The following SPTB variants were observed in gnomAD, a reference collection of about 807,000 sequenced individuals.
The protein encoded by SPTB is spectrin beta chain, erythrocytic.
Under a neutral mutation model 256.2 loss-of-function variants are expected in SPTB, and 45 were observed. That is an observed-to-expected ratio of 0.18 (90% CI 0.14 to 0.23). The LOEUF (loss-of-function observed/expected upper bound fraction) is 0.23. Among genes scored for constraint, SPTB ranks in the 10% least tolerant of loss-of-function variants. The pLI is 1.00. For missense variants in SPTB, 2,715 were observed against 3,040.4 expected (o/e 0.89, Z 2.52); for synonymous variants, 1,231 against 1,243.1 (o/e 0.99, Z 0.21).
Position 64,796,058 on chromosome 14 carries a change from T to G in SPTB, c.1342-419A>C, listed in dbSNP as rs563948304. On this transcript the variant is annotated intron_variant, in intron 11 of 35. Transcript: ENST00000644917. This position sits in a 1 kb window ranked among gnomAD's most constrained non-coding sequence, Gnocchi z 4.1. ...TCTGGGGTGCGCATACACTCTCCAG[T>G]GCTCTCAGAATACTTGTTGCCCCCT... is the stretch of plus-strand genomic sequence containing the variant. Among the ~76,000 whole-genome samples the G allele has an allele frequency of 2.6e-4, 39 of 152,328 alleles. No individual in the cohort carries two copies. The highest frequency in any genetic ancestry group is 4.1e-4 in the South Asian group (2 of 4,826).
rs2083815329 is a variant in SPTB, at chr14:64,853,299, T to C, written c.-52+26493A>G. Among the ~76,000 whole-genome samples, 2 of 152,086 alleles carry C rather than the reference T, an allele frequency of 1.3e-5. No individual in the cohort carries two copies. Among genetic ancestry groups the C allele is most frequent in the Non-Finnish European group, 1.5e-5 (1 of 68,010 alleles). Reference sequence around the variant, plus strand: ...GGAACACCAAAAGGGGCCAAGATTGTCCCCAAAGAGGGTTTAGGCTGCCCA... The same window carrying C: ...GGAACACCAAAAGGGGCCAAGATTGCCCCCAAAGAGGGTTTAGGCTGCCCA... On this transcript the variant is annotated intron_variant, in intron 1 of 35. Transcript: ENST00000644917. This position sits in a 1 kb window ranked among gnomAD's most constrained non-coding sequence, Gnocchi z 4.3.
chr14:64,771,219 G>A, intron 26 of SPTB, 90 bp from the exon 27 acceptor site: 2 of 1,592,032 alleles, frequency 1.3e-6, no homozygotes, highest in East Asian at 2.2e-5. Context: ...ACCTCCTCCT[G>A]GCCTCCCTGC....
intron 1 of SPTB, among the ~76,000 whole-genome samples, chr14:64,836,521 C>T (rs918450027): frequency 1.4e-4 from 21 of 152,006 alleles, no homozygotes; most frequent in Non-Finnish European, 1.0e-4. Context: ...AAAAAGGGTA[C>T]GGTCGGTGGG....
At chr14:64,837,026 C>T (rs1183365104) in intron 1 of SPTB, among the ~76,000 whole-genome samples, 1 of 152,202 alleles carries the variant, frequency 6.6e-6, no homozygotes, top group Non-Finnish European at 1.5e-5. Flanking sequence ...TCTATTGCAG[C>T]TACAGAGATA....
chr14:64,768,064 G>A (rs556249381), intron 29 of SPTB: 44 of 634,248 alleles, frequency 6.9e-5, no homozygotes, highest in Middle Eastern at 8.5e-4. Context: ...TTTTTAGAGG[G>A]AGGGCTTCAA....
At position 64,772,483 on chromosome 14, in the gene SPTB, C is replaced by G; in HGVS notation, c.5553+97G>C. On this transcript the variant is annotated intron_variant, in intron 26 of 35. Coordinates refer to ENST00000644917, the MANE Select transcript of SPTB (RefSeq NM_001355436.2). This position sits in a 1 kb window ranked among gnomAD's most constrained non-coding sequence, Gnocchi z 5.4. Reference sequence around the variant, plus strand: ...TCTAAGGAGGCAAAACCTCCTGGCACTTATCCTAGAGGTTTTCCTGCTGAC... The same window carrying G: ...TCTAAGGAGGCAAAACCTCCTGGCAGTTATCCTAGAGGTTTTCCTGCTGAC... 2 of 1,523,594 alleles carry G rather than the reference C, an allele frequency of 1.3e-6. No individual in the cohort carries two copies. The highest frequency in any genetic ancestry group is 1.8e-6 in the Non-Finnish European group (2 of 1,135,504). The allele number at this position is 1,523,594 out of a possible 1,614,324, so 94.4% of individuals were successfully genotyped here.
In SPTB at chr14:64,800,911, C is replaced by A; in HGVS notation, c.764-43G>T. Reference sequence around the variant, plus strand: ...GTACTCTCAGGACCAAACTGGAAGTCGGGAAAGTCAGGCTCAGAGGGTTTA... The same window carrying A: ...GTACTCTCAGGACCAAACTGGAAGTAGGGAAAGTCAGGCTCAGAGGGTTTA... On this transcript the variant is annotated intron_variant, in intron 7 of 35. Coordinates refer to ENST00000644917, the MANE Select transcript of SPTB (RefSeq NM_001355436.2). The A allele has an allele frequency of 2.0e-6, 3 of 1,524,456 alleles. No homozygotes were observed. The South Asian group carries it at 3.5e-5, about 18-fold the overall frequency. The allele number at this position is 1,524,456 out of a possible 1,614,324, so 94.4% of individuals were successfully genotyped here.
chr14:64,770,954 C>G lies in SPTB; in HGVS notation c.5729G>C (p.Ser1910Thr), dbSNP rs756115510. The change falls in exon 27 of 36, where the codon AGC becomes ACC. Residue 1910 changes from serine to threonine, a missense_variant. Ser to Thr is a moderately conservative substitution (Grantham distance 58, BLOSUM62 1). This residue lies in a region of SPTB where 2,239 missense variants were observed against 2,384.4 expected (regional missense o/e 0.94). Coordinates refer to ENST00000644917, the MANE Select transcript of SPTB (RefSeq NM_001355436.2). ...VDTADKFRFF[S>T]MARDLLSWME... ...CCAGGAGAGGAGGTCACGGGCCATG[C>G]TGAAGAAGCGGAATTTATCCGCCGT... 1 of 1,614,124 alleles carries G rather than the reference C, an allele frequency of 6.2e-7. No homozygotes were observed. Among genetic ancestry groups the G allele is most frequent in the African/African-American group, 1.3e-5 (1 of 75,074 alleles).
At chr14:64,770,467 ACTC>A (rs1041785449) in intron 27 of SPTB, among the ~76,000 whole-genome samples, 1 of 151,716 alleles carries the variant, frequency 6.6e-6, no homozygotes, top group Non-Finnish European at 1.5e-5. Context: ...CACATGCCTG[ACTC>A]CTCCTCTCAT....
At chr14:64,766,053 G>A (rs1479043768) in intron 32 of SPTB, among the ~76,000 whole-genome samples, 3 of 142,680 alleles carry the variant, frequency 2.1e-5, no homozygotes, top group Non-Finnish European at 4.5e-5. Flanking sequence ...GGGTGTGCGT[G>A]AGGTGTGTAT....
rs977749441 is a variant in SPTB at position 64,844,691 on chromosome 14, G to A, written c.-51-21546C>T. Among the ~76,000 whole-genome samples, 1 of 150,648 alleles carries A rather than the reference G, an allele frequency of 6.6e-6. No homozygotes were observed. The highest frequency in any genetic ancestry group is 2.5e-5 in the African/African-American group (1 of 39,978). ...GGCTTTAATTGAAAAGTAACATGAA[G>A]AAGAGGCTATGACTTCCCAAAAACA... On this transcript the variant is annotated intron_variant, in intron 1 of 35. Coordinates refer to ENST00000644917, the MANE Select transcript of SPTB (RefSeq NM_001355436.2). This position sits in a 1 kb window ranked among gnomAD's most constrained non-coding sequence, Gnocchi z 4.1.
intron 33 of SPTB, among the ~76,000 whole-genome samples, chr14:64,750,884 A>G (rs1469945054): frequency 6.8e-6 from 1 of 146,454 alleles, no homozygotes; most frequent in Non-Finnish European, 1.5e-5. Flanking sequence ...TGTATAATAT[A>G]TATTTATATG....
intron 28 of SPTB, among the ~76,000 whole-genome samples, 188 bp downstream of exon 28, chr14:64,769,402 T>C (rs907832384): frequency 6.6e-6 from 1 of 152,160 alleles, no homozygotes; most frequent in Non-Finnish European, 1.5e-5. Context: ...GCCAGCTCCT[T>C]AAGGCAGGGA....
intron 33 of SPTB, among the ~76,000 whole-genome samples, chr14:64,751,067 T>G (rs2081942426): frequency 7.6e-6 from 1 of 131,834 alleles, no homozygotes; most frequent in Non-Finnish European, 1.7e-5. Flanking sequence ...ATATATAACA[T>G]TTATAGTATA....
intron 32 of SPTB, chr14:64,754,710 A>G (rs1215305844): frequency 2.0e-5 from 3 of 152,308 alleles, no homozygotes; most frequent in Admixed American, 6.5e-5. Context: ...GGGGCCTCCA[A>G]TGGTGCCACT....
intron 31 of SPTB, 124 bp from the exon 32 acceptor site, chr14:64,766,925 C>G: frequency 7.9e-7 from 1 of 1,263,576 alleles, no homozygotes; most frequent in Non-Finnish European, 1.1e-6. Flanking sequence ...TCCAGTCAGC[C>G]GGCAGCCTGG....
At position 64,791,803 on chromosome 14, in the gene SPTB, A is replaced by C; in HGVS notation, c.2720T>G (p.Val907Gly). The change falls in exon 15 of 36, where the codon GTG (valine) becomes GGG (glycine). Residue 907 changes from valine to glycine, a missense_variant. Physicochemically the swap from Val to Gly is moderately radical, Grantham distance 109. Transcript: ENST00000644917. Reference protein sequence around the residue: ...MKTLMTQIDGVNLAANSLVES... With the variant: ...MKTLMTQIDGGNLAANSLVES... ...TACCAAGCTGTTGGCAGCGAGGTTC[A>C]CACCATCAATCTGAGTCATCAAGGT... 4 of 1,614,168 alleles carry C rather than the reference A, an allele frequency of 2.5e-6. No homozygotes were observed. Among genetic ancestry groups the C allele is most frequent in the Non-Finnish European group, 3.4e-6 (4 of 1,180,038 alleles).
chr14:64,802,274 C>T lies in SPTB; in HGVS notation c.518G>A (p.Arg173His), dbSNP rs146355737. 1.4e-4 allele frequency: 232 copies of T among 1,614,102 alleles called. No homozygotes were observed. The highest frequency in any genetic ancestry group is 1.9e-4 in the Non-Finnish European group (219 of 1,180,038). Residue 173 changes from arginine to histidine, a missense_variant, in exon 5 of 36, where the codon CGC becomes CAC. Arg to His is a conservative substitution (Grantham distance 29). Transcript: ENST00000644917. This position sits in a 1 kb window ranked among gnomAD's most constrained non-coding sequence, Gnocchi z 5.1. ...VVQTQEGRETRSAKDALLLWC... is the reference protein window; with the variant it reads ...VVQTQEGRETHSAKDALLLWC... ...CAACAGCAACGCATCCTTGGCTGAG[C>T]GTGTTTCACGACCTTCCTGAGTTTG...
chr14:64,780,126 G>A (rs1043999907), intron 20 of SPTB, among the ~76,000 whole-genome samples, 195 bp from the exon 21 acceptor site: 3 of 152,042 alleles, frequency 2.0e-5, no homozygotes, highest in African/African-American at 4.8e-5. Flanking sequence ...ATCATTTTGG[G>A]TCTCTGTCCT....
Sources: gnomAD v4.1 joint callset for allele counts (sites outside exome capture counted in the v4.1 genomes callset) on GRCh38, gnomAD v4.1.1 for gene constraint, gnomAD v4.1.1 regional missense constraint, Gnocchi (gnomAD v3.1) non-coding constraint, MANE v1.5 for transcripts, NCBI Gene and HGNC (gene_info 2026-07-23, HGNC 2026-07-21) for gene names.